The following CACNA1E variants were observed in gnomAD, a reference collection of about 807,000 sequenced individuals.
CACNA1E encodes the protein voltage-dependent R-type calcium channel subunit alpha-1E.
A neutral mutation model predicts 259.2 loss-of-function variants in CACNA1E; 40 were observed. The observed-to-expected ratio is 0.15, with a 90% confidence interval of 0.12 to 0.20. The LOEUF (loss-of-function observed/expected upper bound fraction) is 0.20. CACNA1E is among the 10% of genes least tolerant of loss of function. The probability of loss-of-function intolerance (pLI) is 1.00; values close to 1 mark genes in which losing one functional copy is unlikely to be tolerated. For synonymous variants in CACNA1E, 1,104 were observed against 1,138.5 expected, an observed-to-expected ratio of 0.97 and a Z score of 0.61; for missense variants, 1,874 against 3,040.1, an observed-to-expected ratio of 0.62 and a Z score of 9.02.
intron 2 of CACNA1E, among the ~76,000 whole-genome samples, chr1:181,477,575 C>G (rs145480985): frequency 1.2e-3 from 176 of 152,308 alleles, no homozygotes; most frequent in African/African-American, 3.3e-3. Context: ...ACACTGGTCT[C>G]TACTATTTTT....
intron 32 of CACNA1E, among the ~76,000 whole-genome samples, chr1:181,759,643 C>T (rs973612164): frequency 1.3e-5 from 2 of 152,218 alleles, no homozygotes; most frequent in African/African-American, 2.4e-5. Context: ...CACCCTCCCC[C>T]CAACCTGCTT....
chr1:181,776,322 TG>T lies in CACNA1E; in HGVS notation c.5267+95del. On this transcript the variant is annotated intron_variant, in intron 38 of 47. Transcript: ENST00000367573. The surrounding 1 kb of genome is among the most constrained non-coding windows in gnomAD (Gnocchi z 4.4). ...CTGGAATTGGAGCCACCCAAATGCC[TG>T]CCTGTTACAGAAGGAAAGGAGATTC... 1 of 1,271,302 alleles carries T rather than the reference TG, an allele frequency of 7.9e-7. No individual in the cohort carries two copies. The allele number at this position is 1,271,302 out of a possible 1,614,324, so 78.8% of individuals were successfully genotyped here. A position where few individuals can be genotyped will look rare whatever the true frequency, so the allele number is the denominator to read the frequency against.
intron 3 of CACNA1E, among the ~76,000 whole-genome samples, chr1:181,527,827 A>G (rs7554406): frequency 0.14 from 20,708 of 152,128 alleles, 1,531 homozygotes; most frequent in Middle Eastern, 0.17. Context: ...TCCTCTTTTG[A>G]GAGAATATAA....
chr1:181,435,349 C>G (rs1660016743), intron 2 of CACNA1E, among the ~76,000 whole-genome samples: 1 of 152,164 alleles, frequency 6.6e-6, no homozygotes, highest in Non-Finnish European at 1.5e-5. Flanking sequence ...GAAATTACTA[C>G]AGAAAATTAT....
At chr1:181,700,546 C>T (rs1652145941) in intron 7 of CACNA1E, among the ~76,000 whole-genome samples, 2 of 152,296 alleles carry the variant, frequency 1.3e-5, no homozygotes, top group South Asian at 4.2e-4. Flanking sequence ...ATCATAGGGT[C>T]ACCAACGAGA....
chr1:181,564,001 C>G (rs1572221519), intron 3 of CACNA1E, among the ~76,000 whole-genome samples: 1 of 152,150 alleles, frequency 6.6e-6, no homozygotes, highest in African/African-American at 2.4e-5. Flanking sequence ...CTAAGAAATG[C>G]TCATGATTAT....
chr1:181,782,443 A>G (rs1280411319), intron 39 of CACNA1E, among the ~76,000 whole-genome samples: 1 of 152,200 alleles, frequency 6.6e-6, no homozygotes, highest in Non-Finnish European at 1.5e-5. Flanking sequence ...GAGCTCTTTC[A>G]TTCACCTAGG....
rs374643330 is a variant in CACNA1E at position 181,580,370 on chromosome 1, A to G, written c.770-225A>G. Among the ~76,000 whole-genome samples, 4 of 152,290 alleles carry G rather than the reference A, an allele frequency of 2.6e-5. No individual in the cohort carries two copies. In the South Asian group the frequency reaches 8.3e-4, roughly 32 times the overall value. On this transcript the variant is annotated intron_variant, in intron 5 of 47. Transcript: ENST00000367573. Reference sequence around the variant, plus strand: ...TTGCAGAGAGCAGGGGACTATGTGGAGGAGAGGCTCCATTTTTCAGGAGAC... The same window carrying G: ...TTGCAGAGAGCAGGGGACTATGTGGGGGAGAGGCTCCATTTTTCAGGAGAC...
intron 6 of CACNA1E, among the ~76,000 whole-genome samples, chr1:181,627,477 G>A (rs1394685753): frequency 1.3e-5 from 2 of 152,244 alleles, no homozygotes; most frequent in South Asian, 2.1e-4. Flanking sequence ...GATAAGGCTC[G>A]GTAAATGGAT....
At chr1:181,746,877 A>G (rs1452467251) in intron 25 of CACNA1E, among the ~76,000 whole-genome samples, 1 of 152,218 alleles carries the variant, frequency 6.6e-6, no homozygotes, top group African/African-American at 2.4e-5. Context: ...CCTGAATCCC[A>G]GCACTATTAT....
intron 1 of CACNA1E, among the ~76,000 whole-genome samples, chr1:181,492,871 A>C (rs1415201504): frequency 6.6e-6 from 1 of 152,160 alleles, no homozygotes; most frequent in Non-Finnish European, 1.5e-5. Flanking sequence ...ATTCTGTTGT[A>C]GGGTGATGGT....
At chr1:181,574,118 G>A (rs564017961) in intron 3 of CACNA1E, among the ~76,000 whole-genome samples, 31 of 152,312 alleles carry the variant, frequency 2.0e-4, no homozygotes, top group African/African-American at 7.5e-4. Context: ...ACACACTGGG[G>A]CCTCTCACGG....
At chr1:181,428,765 A>C (rs66736549) in intron 2 of CACNA1E, among the ~76,000 whole-genome samples, 65,439 of 151,694 alleles carry the variant, frequency 0.43, 14,821 homozygotes, top group African/African-American at 0.57. Flanking sequence ...AGGAAGACTG[A>C]TTGCGTATCA....
chr1:181,370,336 T>C (rs1654593661), intron 1 of CACNA1E, among the ~76,000 whole-genome samples: 1 of 151,750 alleles, frequency 6.6e-6, no homozygotes, highest in Non-Finnish European at 1.5e-5. Context: ...GTTTGTTACA[T>C]GGTAAATTTT....
intron 7 of CACNA1E, among the ~76,000 whole-genome samples, chr1:181,710,167 G>A (rs1653199841): frequency 6.6e-6 from 1 of 152,022 alleles, no homozygotes; most frequent in South Asian, 2.1e-4. Flanking sequence ...TCACCTGAGT[G>A]TTCCCTCTGC....
intron 2 of CACNA1E, among the ~76,000 whole-genome samples, chr1:181,476,306 T>C (rs1662847544): frequency 6.6e-6 from 1 of 152,168 alleles, no homozygotes; most frequent in African/African-American, 2.4e-5. Flanking sequence ...ACTAGGTGGG[T>C]GTAACCAGCT....
chr1:181,581,831 C>T lies in CACNA1E; in HGVS notation c.951+1055C>T, dbSNP rs149348392. Among the ~76,000 whole-genome samples the T allele has an allele frequency of 1.3e-3, 204 of 152,152 alleles. 1 individual carries two copies. The highest frequency in any genetic ancestry group is 8.5e-3 in the East Asian group (44 of 5,178). ...TTGGAATGATCATGCCTCTTATGCA[C>T]GCTCCCACCGTCTGCCTTTACCTTA... On this transcript the variant is annotated intron_variant, in intron 6 of 47. Transcript: ENST00000367573.
chr1:181,788,280 T>C (rs978647657), intron 43 of CACNA1E, among the ~76,000 whole-genome samples: 1 of 152,138 alleles, frequency 6.6e-6, no homozygotes, highest in African/African-American at 2.4e-5. Context: ...TTTCCTGACA[T>C]TGGGACACTG....
chr1:181,615,428 T>A (rs1655121198), intron 6 of CACNA1E, among the ~76,000 whole-genome samples: 1 of 152,156 alleles, frequency 6.6e-6, no homozygotes, highest in African/African-American at 2.4e-5. Flanking sequence ...GAGCTCATGA[T>A]CTGCTCGCCT....
Sources: gnomAD v4.1 joint callset for allele counts (sites outside exome capture counted in the v4.1 genomes callset) on GRCh38, gnomAD v4.1.1 for gene constraint, Gnocchi (gnomAD v3.1) non-coding constraint, MANE v1.5 for transcripts, NCBI Gene and HGNC (gene_info 2026-07-23, HGNC 2026-07-21) for gene names.